The following NOS1 variants were observed in gnomAD, a reference collection of about 807,000 sequenced individuals.
The protein encoded by NOS1 is NOS type I.
A neutral mutation model predicts 164.5 loss-of-function variants in NOS1; 51 were observed. The observed-to-expected ratio is 0.31, with a 90% CI of 0.25 to 0.39. The LOEUF is 0.39. Ranked by LOEUF, NOS1 falls within the 10% of genes least tolerant of loss-of-function variation. The probability of loss-of-function intolerance (pLI) is 1.00; values close to 1 mark genes in which losing one functional copy is unlikely to be tolerated. For synonymous variants in NOS1, 719 were observed against 745.8 expected (o/e 0.96, Z 0.59); for missense variants, 1,362 against 1,885.6 (o/e 0.72, Z 5.14).
Position 117,227,759 on chromosome 12 carries a change from G to A in NOS1, c.3406-118C>T, listed in dbSNP as rs886770596. The A allele has an allele frequency of 8.8e-6, 8 of 905,242 alleles. No homozygotes were observed. The African/African-American group carries it at 1.2e-4, about 13-fold the overall frequency. 56.1% of individuals were successfully genotyped at this position (905,242 alleles called of 1,614,324 possible). ...AAAGTAACAGTTGGCAGGTGCAGTG[G>A]CTCATGCTTGTAATTGCAGTGCTTT... is the stretch of plus-strand genomic sequence containing the variant. On this transcript the variant is annotated intron_variant, in intron 22 of 28. Coordinates refer to ENST00000317775, the MANE Select transcript of NOS1 (RefSeq NM_000620.5).
chr12:117,222,609 G>T (rs1304927118), intron 26 of NOS1, 106 bp downstream of exon 26: 2 of 1,064,908 alleles, frequency 1.9e-6, no homozygotes, highest in Non-Finnish European at 2.8e-6. Flanking sequence ...CTTCATAGAG[G>T]GAAAATCAGG....
In NOS1 at chr12:117,232,109, G is replaced by A. The variant is rs3741475; in HGVS notation, c.3258C>T (p.Asp1086=). The change falls in exon 22 of 29, where the codon GAC becomes GAT. Residue 1086 remains aspartate, a synonymous_variant. Coordinates refer to ENST00000317775, the MANE Select transcript of NOS1 (RefSeq NM_000620.5). The part of the protein sequence containing the change: ...TALGVISNWT[D]ELRLPPCTIF... The stretch of plus-strand genomic sequence containing the variant: ...TGGTGCAGGGCGGGAGGCGGAGCTC[G>A]TCTGTCCAGTTACTGATGACACCTG... The A allele has an allele frequency of 0.21, 339,328 of 1,611,444 alleles. 36,971 individuals are homozygous for A. Among genetic ancestry groups the A allele is most frequent in the East Asian group, 0.33 (14,836 of 44,844 alleles).
At chr12:117,311,830 G>C (rs1349460708) in intron 2 of NOS1, among the ~76,000 whole-genome samples, 1 of 152,204 alleles carries the variant, frequency 6.6e-6, no homozygotes, top group Non-Finnish European at 1.5e-5. Flanking sequence ...CTTGACAGCT[G>C]ATGTATCCCT....
chr12:117,249,766 C>T (rs1434941449), intron 17 of NOS1, among the ~76,000 whole-genome samples: 1 of 152,048 alleles, frequency 6.6e-6, no homozygotes, highest in Non-Finnish European at 1.5e-5. Context: ...GACACTTTGA[C>T]TGAAGTATGG....
At chr12:117,219,261 G>A (rs1467640453) in intron 27 of NOS1, among the ~76,000 whole-genome samples, 3 of 151,926 alleles carry the variant, frequency 2.0e-5, no homozygotes, top group Non-Finnish European at 2.9e-5. Context: ...GATTACAGGC[G>A]TGAGCCACTG....
chr12:117,307,448 C>T (rs1874207700), intron 3 of NOS1, among the ~76,000 whole-genome samples: 1 of 152,172 alleles, frequency 6.6e-6, no homozygotes, highest in African/African-American at 2.4e-5. Context: ...GTAGCCTCAA[C>T]TTCCCTGGCT....
Position 117,236,295 on chromosome 12 carries a change from T to G in NOS1, c.3042-1537A>C, listed in dbSNP as rs913545651. On this transcript the variant is annotated intron_variant, in intron 20 of 28. Transcript: ENST00000317775. ...TATGGTATGTAAATCAACACTTGAATAGCCCAATGGGACTCGCTATTTAAA... is the reference window on the plus strand; with the variant it reads ...TATGGTATGTAAATCAACACTTGAAGAGCCCAATGGGACTCGCTATTTAAA... Among the ~76,000 whole-genome samples, 5 of 152,324 alleles carry G rather than the reference T, an allele frequency of 3.3e-5. No individual in the cohort carries two copies. The East Asian group carries it at 7.7e-4, about 23-fold the overall frequency.
rs541191553 is a variant in NOS1 at position 117,278,889 on chromosome 12, CTT to C, written c.1525-793_1525-792del. Among the ~76,000 whole-genome samples, 53 of 149,122 alleles carry C rather than the reference CTT, an allele frequency of 3.6e-4. No individual in the cohort carries two copies. The South Asian group carries it at 0.011, about 30-fold the overall frequency. On this transcript the variant is annotated intron_variant, in intron 8 of 28. Coordinates refer to ENST00000317775, the MANE Select transcript of NOS1 (RefSeq NM_000620.5). ...TGACATTAAAATTAAATATGTAACACTTATTCATCTAATATATCAAATAATAC... is the reference window on the plus strand; with the variant it reads ...TGACATTAAAATTAAATATGTAACACATTCATCTAATATATCAAATAATAC...
chr12:117,226,345 A>G (rs1868672268), intron 24 of NOS1, among the ~76,000 whole-genome samples: 1 of 152,194 alleles, frequency 6.6e-6, no homozygotes, highest in Non-Finnish European at 1.5e-5. Flanking sequence ...GGGAGCGAGC[A>G]GTAGAATTTG....
chr12:117,265,844 G>A (rs1332176914), intron 11 of NOS1, among the ~76,000 whole-genome samples: 2 of 151,598 alleles, frequency 1.3e-5, no homozygotes, highest in African/African-American at 4.9e-5. Context: ...AGGCTGGAGT[G>A]CAGTGGCGCG....
At chr12:117,340,873 A>ATTTTTTTTTTTT (rs56322341) in intron 1 of NOS1, among the ~76,000 whole-genome samples, 174 of 104,456 alleles carry the variant, frequency 1.7e-3, no homozygotes, top group Middle Eastern at 7.0e-3. Flanking sequence ...ACACCTGGCT[A>ATTTTTTTTTTTT]TTTTTTTTTT....
At chr12:117,315,468 A>G (rs966430806) in intron 2 of NOS1, among the ~76,000 whole-genome samples, 1 of 152,158 alleles carries the variant, frequency 6.6e-6, no homozygotes, top group Non-Finnish European at 1.5e-5. Flanking sequence ...CCCAGGAAGG[A>G]TATTTTTAAT....
At chr12:117,293,189 G>A (rs1175686610) in intron 3 of NOS1, among the ~76,000 whole-genome samples, 1 of 152,176 alleles carries the variant, frequency 6.6e-6, no homozygotes, top group East Asian at 1.9e-4. Flanking sequence ...GTGGGGAAGA[G>A]CGTGCCACTG....
At chr12:117,273,837 TA>T (rs1697760516) in intron 9 of NOS1, among the ~76,000 whole-genome samples, 3 of 152,078 alleles carry the variant, frequency 2.0e-5, no homozygotes, top group African/African-American at 7.2e-5. Flanking sequence ...TGCTGTTTTT[TA>T]AAAAAATTAA....
chr12:117,310,587 A>G (rs1387545748), intron 3 of NOS1, among the ~76,000 whole-genome samples: 1 of 151,948 alleles, frequency 6.6e-6, no homozygotes, highest in African/African-American at 2.4e-5. Flanking sequence ...GAGGAAAACT[A>G]TGTGACTAGG....
At chr12:117,257,603 T>A (rs1871558791) in intron 16 of NOS1, among the ~76,000 whole-genome samples, 1 of 141,970 alleles carries the variant, frequency 7.0e-6, no homozygotes, top group African/African-American at 2.7e-5. Context: ...TTCTTTGATT[T>A]TAGCTTTTTT....
Position 117,321,978 on chromosome 12 carries a change from T to C in NOS1, c.725+8367A>G, listed in dbSNP as rs184678501. ...CCTCCCTCTCTCCTTCCTTCCCTCCTTCTCTCCTTCCTTCCCTCCCTCTCT... is the reference window on the plus strand; with the variant it reads ...CCTCCCTCTCTCCTTCCTTCCCTCCCTCTCTCCTTCCTTCCCTCCCTCTCT... On this transcript the variant is annotated intron_variant, in intron 2 of 28. Coordinates refer to ENST00000317775, the MANE Select transcript of NOS1 (RefSeq NM_000620.5). Among the ~76,000 whole-genome samples, 70 of 97,152 alleles carry C rather than the reference T, an allele frequency of 7.2e-4. 1 individual carries two copies. Among genetic ancestry groups the C allele is most frequent in the South Asian group, 8.5e-4 (2 of 2,350 alleles). 63.7% of individuals were successfully genotyped at this position (97,152 alleles called of 152,430 possible).
At chr12:117,293,166 T>C (rs1191185277) in intron 3 of NOS1, among the ~76,000 whole-genome samples, 1 of 152,088 alleles carries the variant, frequency 6.6e-6, no homozygotes, top group Non-Finnish European at 1.5e-5. Context: ...TGTTGGAGCC[T>C]GGGGAACAGG....
chr12:117,360,506 G>A (rs920158105), intron 1 of NOS1, among the ~76,000 whole-genome samples: 2 of 152,260 alleles, frequency 1.3e-5, no homozygotes, highest in African/African-American at 4.8e-5. Flanking sequence ...AACTTTCCCA[G>A]GTTTTGGAGA....
Sources: gnomAD v4.1 joint callset for allele counts (sites outside exome capture counted in the v4.1 genomes callset) on GRCh38, gnomAD v4.1.1 for gene constraint, MANE v1.5 for transcripts, NCBI Gene and HGNC (gene_info 2026-07-23, HGNC 2026-07-21) for gene names.